Variants in TACC1 observed in about 807,000 individuals in gnomAD.
The protein encoded by TACC1 is transforming acidic coiled-coil containing protein 1, also known as transforming acidic coiled-coil-containing protein 1.
In TACC1, 48 loss-of-function variants were observed where a neutral mutation model predicts 84.4. The observed-to-expected ratio is 0.57, with a 90% CI of 0.45 to 0.72. The LOEUF is 0.72. TACC1 is among the 30% of genes least tolerant of loss of function. The pLI is 0.00. For missense variants in TACC1, 920 were observed against 973.0 expected, an observed-to-expected ratio of 0.95 and a Z score of 0.72; for synonymous variants, 372 against 376.3, an observed-to-expected ratio of 0.99 and a Z score of 0.13.
At chr8:38,765,042 T>C (rs1476058342) in intron 3 of TACC1, among the ~76,000 whole-genome samples, 3 of 148,824 alleles carry the variant, frequency 2.0e-5, no homozygotes, top group Admixed American at 1.3e-4. Context: ...GAGGTTGCAG[T>C]AAGCCGAGAT....
chr8:38,760,889 C>A (rs1037553852), intron 3 of TACC1, among the ~76,000 whole-genome samples: 1 of 152,126 alleles, frequency 6.6e-6, no homozygotes. Context: ...GTGTGCAATA[C>A]GTAGTTATTA....
At chr8:38,754,056 C>T (rs1331816954) in intron 3 of TACC1, among the ~76,000 whole-genome samples, 1 of 151,384 alleles carries the variant, frequency 6.6e-6, no homozygotes, top group African/African-American at 2.4e-5. Flanking sequence ...CGGGTTCAAG[C>T]GATTTTCATG....
Position 38,787,558 on chromosome 8 carries a change from A to T in TACC1, c.-25A>T. 6.5e-7 allele frequency: 1 copy of T among 1,530,610 alleles called. No individual in the cohort carries two copies. The highest frequency in any genetic ancestry group is 8.8e-7 in the Non-Finnish European group (1 of 1,138,842). The allele number at this position is 1,530,610 out of a possible 1,614,324, so 94.8% of individuals were successfully genotyped here. A position where few individuals can be genotyped will look rare whatever the true frequency, so the allele number is the denominator to read the frequency against. ...CCCCACCCATTCCCCTGCCCCTAGG[A>T]GCTGGAGCCGGAGGAGCCGCGCTCA... On this transcript the variant is annotated 5_prime_UTR_variant, in exon 1 of 13. Transcript: ENST00000317827.
chr8:38,815,974 A>AG (rs1441867429), intron 2 of TACC1, among the ~76,000 whole-genome samples: 1 of 151,878 alleles, frequency 6.6e-6, no homozygotes, highest in Non-Finnish European at 1.5e-5. Flanking sequence ...AAAAAAAAAA[A>AG]AAAAGAATAA....
At chr8:38,763,831 A>AT (rs1811693375) in intron 3 of TACC1, among the ~76,000 whole-genome samples, 1 of 152,158 alleles carries the variant, frequency 6.6e-6, no homozygotes, top group African/African-American at 2.4e-5. Context: ...CATGTTTGAT[A>AT]TTTAGGTTGG....
chr8:38,792,074 G>C (rs1818801928), intron 2 of TACC1, among the ~76,000 whole-genome samples: 1 of 152,154 alleles, frequency 6.6e-6, no homozygotes, highest in Non-Finnish European at 1.5e-5. Flanking sequence ...CAGGTTTTAG[G>C]CTTACTGGTA....
chr8:38,852,644 G>A lies in TACC1; in HGVS notation c.*4621G>A, dbSNP rs1833250670. The A allele has an allele frequency of 6.5e-6, 1 of 152,684 alleles. No individual in the cohort carries two copies. Among genetic ancestry groups the A allele is most frequent in the African/African-American group, 2.4e-5 (1 of 41,444 alleles). The allele number at this position is 152,684 out of a possible 1,614,324, so 9.5% of individuals were successfully genotyped here. A position where few individuals can be genotyped will look rare whatever the true frequency, so the allele number is the denominator to read the frequency against. On this transcript the variant is annotated 3_prime_UTR_variant, in exon 13 of 13. Coordinates refer to ENST00000317827, the MANE Select transcript of TACC1 (RefSeq NM_006283.3). The stretch of plus-strand genomic sequence containing the variant: ...TCGGTCCTTCTCAGCCGTCGGGATA[G>A]GATCCAGGCATTTCTTTTAAATCTC...
intron 12 of TACC1, 63 bp from the exon 13 acceptor site, chr8:38,847,892 A>T (rs1171711061): frequency 7.1e-7 from 1 of 1,411,288 alleles, no homozygotes; most frequent in African/African-American, 1.4e-5. Flanking sequence ...GGACTAGTTA[A>T]CTCTATTTGC....
chr8:38,847,254 C>T (rs972769744), intron 12 of TACC1, among the ~76,000 whole-genome samples: 2 of 152,138 alleles, frequency 1.3e-5, no homozygotes, highest in Non-Finnish European at 2.9e-5. Context: ...GTTTGGTTGT[C>T]ACCACTGGGA....
chr8:38,824,123 C>T (rs1250095110), intron 3 of TACC1: 3 of 992,784 alleles, frequency 3.0e-6, no homozygotes, highest in Non-Finnish European at 4.3e-6. Flanking sequence ...GCTTCTAATT[C>T]TGAGTTTGAT....
chr8:38,810,053 C>A (rs966993435), intron 2 of TACC1, among the ~76,000 whole-genome samples: 1 of 152,144 alleles, frequency 6.6e-6, no homozygotes, highest in Non-Finnish European at 1.5e-5. Context: ...TTTCCATTGC[C>A]CAGATAAAGG....
chr8:38,797,702 C>T (rs1231474331), intron 2 of TACC1, among the ~76,000 whole-genome samples: 5 of 152,152 alleles, frequency 3.3e-5, no homozygotes, highest in Non-Finnish European at 7.3e-5. Context: ...TTGAATTTTC[C>T]AGTAATTATT....
chr8:38,843,426 T>C (rs182067362), intron 11 of TACC1, 31 bp downstream of exon 11: 56 of 1,520,268 alleles, frequency 3.7e-5, no homozygotes, highest in Non-Finnish European at 4.9e-5. Context: ...AATTTCACTC[T>C]TCATGATGTT....
chr8:38,819,024 T>C lies in TACC1; in HGVS notation c.278-498T>C, dbSNP rs534224663. On this transcript the variant is annotated intron_variant, in intron 2 of 12. Transcript: ENST00000317827. The stretch of plus-strand genomic sequence containing the variant: ...ATCTCTTGACCTCATGATGTGCCCG[T>C]CTTGGCCTCCCAAGATACTTATGTT... Among the ~76,000 whole-genome samples the C allele has an allele frequency of 4.9e-4, 74 of 152,304 alleles. 2 individuals carry two copies. The South Asian group carries it at 0.013, about 28-fold the overall frequency.
chr8:38,771,188 G>A lies in TACC1; in HGVS notation c.27-17516G>A, dbSNP rs180687021. 2.0e-5 allele frequency among the ~76,000 whole-genome samples: 3 copies of A among 152,274 alleles called. No homozygotes were observed. The East Asian group carries it at 5.8e-4, about 29-fold the overall frequency. Reference sequence around the variant, plus strand: ...GAAAGAGACGGGGAGAGAAGTGTTGGAGATGCTCTTTAGTCAGGCCTGAGT... The same window carrying A: ...GAAAGAGACGGGGAGAGAAGTGTTGAAGATGCTCTTTAGTCAGGCCTGAGT... On this transcript the variant is annotated intron_variant, in intron 3 of 14. Coordinates refer to the TACC1 transcript ENST00000518415.
intron 3 of TACC1, among the ~76,000 whole-genome samples, chr8:38,773,293 C>G (rs117953554): frequency 0.055 from 8,338 of 151,588 alleles, 297 homozygotes; most frequent in Non-Finnish European, 0.08. Flanking sequence ...CCACTGCACT[C>G]TAGCCTGAAT....
intron 1 of TACC1, among the ~76,000 whole-genome samples, chr8:38,741,922 A>G (rs17513105): frequency 0.15 from 23,441 of 152,248 alleles, 1,975 homozygotes; most frequent in African/African-American, 0.21. Flanking sequence ...TCTCAGAAAG[A>G]GCACACTGTC....
chr8:38,779,441 G>T (rs1316039403), intron 3 of TACC1, among the ~76,000 whole-genome samples: 1 of 152,228 alleles, frequency 6.6e-6, no homozygotes, highest in South Asian at 2.1e-4. Flanking sequence ...GCCTGGAGTG[G>T]TGAGCACTGC....
intron 3 of TACC1, among the ~76,000 whole-genome samples, chr8:38,766,082 A>G (rs1812196098): frequency 6.6e-6 from 1 of 152,246 alleles, no homozygotes; most frequent in South Asian, 2.1e-4. Context: ...AATATAAGGA[A>G]TGGCAAATGA....
Sources: gnomAD v4.1 joint callset for allele counts (sites outside exome capture counted in the v4.1 genomes callset) on GRCh38, gnomAD v4.1.1 for gene constraint, MANE v1.5 for transcripts, NCBI Gene and HGNC (gene_info 2026-07-23, HGNC 2026-07-21) for gene names.